Variants in UBAC2 observed in about 807,000 individuals in gnomAD.
UBAC2 encodes ubiquitin-associated domain-containing protein 2.
UBAC2 carries 26 observed loss-of-function variants against 44.0 expected under a neutral mutation model. That is an observed-to-expected ratio of 0.59 (90% confidence interval 0.43 to 0.82). The LOEUF is 0.82. Ranked by LOEUF, UBAC2 falls within the 40% of genes least tolerant of loss-of-function variation. The pLI, the probability that UBAC2 is intolerant of heterozygous loss-of-function variation, is 0.00. For synonymous variants in UBAC2, 155 were observed against 154.3 expected (o/e 1.00, Z -0.04); for missense variants, 329 against 419.4 (o/e 0.78, Z 1.88).
chr13:99,262,181 G>A (rs187909380), intron 4 of UBAC2, among the ~76,000 whole-genome samples: 2 of 152,260 alleles, frequency 1.3e-5, no homozygotes, highest in East Asian at 1.9e-4. Flanking sequence ...TTGTGTTCCA[G>A]TAACCCTTAT....
At chr13:99,244,293 G>C (rs1451117980) in intron 3 of UBAC2, among the ~76,000 whole-genome samples, 1 of 151,808 alleles carries the variant, frequency 6.6e-6, no homozygotes. Flanking sequence ...AATTATGGCT[G>C]TTAATACATT....
chr13:99,215,545 T>G, intron 1 of UBAC2: 1 of 1,466,912 alleles, frequency 6.8e-7, no homozygotes, highest in Non-Finnish European at 9.5e-7. Flanking sequence ...TTTGATGCAT[T>G]TCCTGCCAGT....
chr13:99,232,049 C>A (rs1298885838), intron 1 of UBAC2, among the ~76,000 whole-genome samples: 1 of 152,002 alleles, frequency 6.6e-6, no homozygotes, highest in Non-Finnish European at 1.5e-5. Flanking sequence ...TATTTTTGTA[C>A]CATGTCTACA....
intron 4 of UBAC2, among the ~76,000 whole-genome samples, chr13:99,275,591 T>A (rs2043870990): frequency 6.6e-6 from 1 of 152,182 alleles, no homozygotes; most frequent in Non-Finnish European, 1.5e-5. Flanking sequence ...GTGGATGCGA[T>A]ATTTTTTATC....
At chr13:99,332,851 C>T (rs1268381648) in intron 6 of UBAC2, among the ~76,000 whole-genome samples, 1 of 152,204 alleles carries the variant, frequency 6.6e-6, no homozygotes, top group Non-Finnish European at 1.5e-5. Flanking sequence ...TTCCCCCAGC[C>T]CCCTGACACA....
intron 8 of UBAC2, among the ~76,000 whole-genome samples, chr13:99,370,252 G>A (rs7325572): frequency 0.093 from 14,158 of 152,202 alleles, 706 homozygotes; most frequent in East Asian, 0.13. Flanking sequence ...AATAATACCT[G>A]TGCATGTCAG....
intron 4 of UBAC2, among the ~76,000 whole-genome samples, chr13:99,300,233 C>T (rs560352989): frequency 8.5e-5 from 13 of 152,318 alleles, no homozygotes; most frequent in African/African-American, 2.4e-4. Flanking sequence ...AACTGACGAC[C>T]GTTGTGCACT....
intron 4 of UBAC2, among the ~76,000 whole-genome samples, chr13:99,257,312 CTTATTT>C (rs2043581679): frequency 6.6e-6 from 1 of 152,090 alleles, no homozygotes; most frequent in Non-Finnish European, 1.5e-5. Flanking sequence ...AGGCTTAAAT[CTTATTT>C]TTAACTGGAA....
At chr13:99,324,309 A>G (rs898671606) in intron 6 of UBAC2, among the ~76,000 whole-genome samples, 3 of 152,116 alleles carry the variant, frequency 2.0e-5, no homozygotes, top group African/African-American at 7.2e-5. Flanking sequence ...TTTGACTTAC[A>G]CTAGCCACTA....
intron 6 of UBAC2, among the ~76,000 whole-genome samples, chr13:99,338,047 C>CTTTTCTTTTTTTT (rs2044820894): frequency 2.0e-5 from 1 of 48,852 alleles, no homozygotes; most frequent in African/African-American, 7.1e-5. Context: ...TTCTTTTTTT[C>CTTTTCTTTTTTTT]TTTTTTTTTT....
At chr13:99,330,943 G>A (rs1399906774) in intron 6 of UBAC2, among the ~76,000 whole-genome samples, 5 of 152,166 alleles carry the variant, frequency 3.3e-5, no homozygotes, top group East Asian at 1.9e-4. Context: ...AGGATGGTCC[G>A]CTTGTTAAAA....
chr13:99,260,899 G>T (rs1008743951), intron 4 of UBAC2, among the ~76,000 whole-genome samples: 1 of 152,070 alleles, frequency 6.6e-6, no homozygotes, highest in African/African-American at 2.4e-5. Flanking sequence ...CTGCAGTTTT[G>T]GGTTTTGGTT....
intron 7 of UBAC2, among the ~76,000 whole-genome samples, chr13:99,350,535 T>C (rs2045067960): frequency 6.6e-6 from 1 of 152,214 alleles, no homozygotes; most frequent in African/African-American, 2.4e-5. Context: ...TCCAGATTGC[T>C]GAATGTGTGC....
chr13:99,244,391 G>A, intron 3 of UBAC2, 124 bp from the exon 4 acceptor site: 1 of 611,766 alleles, frequency 1.6e-6, no homozygotes, highest in Middle Eastern at 3.7e-4. Context: ...ACATATGCAT[G>A]TGTGTATATA....
chr13:99,254,237 A>G (rs2043499977), intron 4 of UBAC2, among the ~76,000 whole-genome samples: 1 of 152,224 alleles, frequency 6.6e-6, no homozygotes, highest in Non-Finnish European at 1.5e-5. Context: ...GGATTATTGG[A>G]TAGAAATAGC....
intron 6 of UBAC2, among the ~76,000 whole-genome samples, chr13:99,322,285 T>A (rs889797155): frequency 6.6e-6 from 1 of 152,200 alleles, no homozygotes; most frequent in Non-Finnish European, 1.5e-5. Flanking sequence ...TTACTGAACT[T>A]CATTTAAATT....
At chr13:99,369,883 G>A (rs1343540036) in intron 8 of UBAC2, among the ~76,000 whole-genome samples, 5 of 152,266 alleles carry the variant, frequency 3.3e-5, no homozygotes, top group Admixed American at 2.0e-4. Flanking sequence ...GATCGTAAGG[G>A]AAAATAAGAT....
intron 4 of UBAC2, among the ~76,000 whole-genome samples, chr13:99,292,767 AG>A (rs1163533454): frequency 6.6e-6 from 1 of 150,738 alleles, no homozygotes; most frequent in Non-Finnish European, 1.5e-5. Flanking sequence ...CCATTTTCCC[AG>A]ATTAGTTTTT....
At chr13:99,218,211 T>C (rs9517652) in intron 1 of UBAC2, among the ~76,000 whole-genome samples, 38,298 of 152,138 alleles carry the variant, frequency 0.25, 6,034 homozygotes, top group Non-Finnish European at 0.35. Context: ...TTAATCATAG[T>C]GTTAATGTTT....
Sources: allele counts gnomAD v4.1 joint callset (sites outside exome capture counted in the v4.1 genomes callset), GRCh38; gene constraint gnomAD v4.1.1; transcripts MANE v1.5; gene names NCBI Gene and HGNC (gene_info 2026-07-23, HGNC 2026-07-21).